Variants in VPS54 observed in about 807,000 individuals in gnomAD.
VPS54 encodes VPS54 subunit of GARP complex.
In VPS54, 45 loss-of-function variants were observed where a neutral mutation model predicts 121.5. That is an observed-to-expected ratio of 0.37 (90% confidence interval 0.29 to 0.47). VPS54 has a LOEUF of 0.47. Ranked by LOEUF, VPS54 falls within the 20% of genes least tolerant of loss-of-function variation. The pLI is 0.99. For missense variants in VPS54, 1,090 were observed against 1,131.4 expected (o/e 0.96, Z 0.52); for synonymous variants, 371 against 385.8 (o/e 0.96, Z 0.45).
intron 1 of VPS54, among the ~76,000 whole-genome samples, chr2:64,018,148 C>G (rs1678796142): frequency 6.6e-6 from 1 of 152,100 alleles, no homozygotes; most frequent in South Asian, 2.1e-4. Flanking sequence ...CTTGATTTGA[C>G]AAATCAGAAA....
rs200975029 is a variant in VPS54 at position 63,975,021 on chromosome 2, C to T, written c.379-2777G>A. ...TTCTTAGTGGGAAGCATCTAGTTTC[C>T]CCATTAGCTACAGAGTTTTTGTAGA... On this transcript the variant is annotated intron_variant, in intron 3 of 22. Coordinates refer to ENST00000272322, the MANE Select transcript of VPS54 (RefSeq NM_016516.3). 8.8e-4 allele frequency: 1,366 copies of T among 1,549,286 alleles called. 2 individuals carry two copies. Among genetic ancestry groups the T allele is most frequent in the Middle Eastern group, 7.4e-3 (44 of 5,960 alleles).
intron 1 of VPS54, among the ~76,000 whole-genome samples, chr2:64,002,820 A>C (rs1677949002): frequency 6.6e-6 from 1 of 152,224 alleles, no homozygotes; most frequent in African/African-American, 2.4e-5. Context: ...GGATTACATA[A>C]AACTAGTGGA....
At chr2:63,906,458 G>A (rs1433761316) in intron 20 of VPS54, among the ~76,000 whole-genome samples, 1 of 152,160 alleles carries the variant, frequency 6.6e-6, no homozygotes, top group African/African-American at 2.4e-5. Flanking sequence ...CTTATAAAAT[G>A]TGTGCATTAT....
intron 11 of VPS54, among the ~76,000 whole-genome samples, chr2:63,939,030 TATTA>T (rs1417839288): frequency 2.1e-4 from 32 of 152,344 alleles, no homozygotes; most frequent in Admixed American, 4.6e-4. Flanking sequence ...CCCAATAGCT[TATTA>T]TTTATCCATT....
intron 1 of VPS54, among the ~76,000 whole-genome samples, chr2:63,999,757 C>T (rs761050548): frequency 4.6e-5 from 7 of 152,082 alleles, no homozygotes; most frequent in Non-Finnish European, 8.8e-5. Flanking sequence ...TTTCTAAATC[C>T]CGTAGGTGTG....
intron 1 of VPS54, among the ~76,000 whole-genome samples, chr2:63,998,640 A>C (rs184814036): frequency 3.0e-4 from 46 of 152,322 alleles, no homozygotes; most frequent in Admixed American, 2.0e-4. Context: ...TATGCAGATA[A>C]CAATTAACAC....
intron 17 of VPS54, 105 bp downstream of exon 17, chr2:63,914,077 T>G: frequency 9.1e-7 from 1 of 1,104,094 alleles, no homozygotes; most frequent in Non-Finnish European, 1.3e-6. Flanking sequence ...AACTAATGTC[T>G]TAAAGTTAAT....
At position 63,892,274 on chromosome 2, in the gene VPS54, C is replaced by G. The variant is rs910735234; in HGVS notation, c.*1156G>C. On this transcript the variant is annotated 3_prime_UTR_variant, in exon 23 of 23. Coordinates refer to ENST00000272322, the MANE Select transcript of VPS54 (RefSeq NM_016516.3). ...CAAAGAGCACAAAATAAGACTGTTT[C>G]ATTATACATAATCACCACAGGATAT... 6.6e-6 allele frequency: 1 copy of G among 152,112 alleles called. No homozygotes were observed. The highest frequency in any genetic ancestry group is 2.4e-5 in the African/African-American group (1 of 41,432). 9.4% of individuals were successfully genotyped at this position (152,112 alleles called of 1,614,324 possible).
intron 4 of VPS54, among the ~76,000 whole-genome samples, chr2:63,971,788 A>G (rs961841155): frequency 3.9e-5 from 6 of 152,106 alleles, no homozygotes; most frequent in African/African-American, 1.4e-4. Flanking sequence ...TTACTTATCT[A>G]TAGATTTACT....
At chr2:63,989,305 ATC>A (rs1677203374) in intron 1 of VPS54, among the ~76,000 whole-genome samples, 1 of 152,098 alleles carries the variant, frequency 6.6e-6, no homozygotes, top group African/African-American at 2.4e-5. Flanking sequence ...GAAGCACGTG[ATC>A]TCTGTGACCC....
At chr2:63,949,229 AG>A in intron 7 of VPS54, 66 bp from the exon 8 acceptor site, 2 of 1,517,772 alleles carry the variant, frequency 1.3e-6, no homozygotes, top group South Asian at 1.3e-5. Context: ...TCCACAATCA[AG>A]GGAACTAGTA....
chr2:63,962,172 G>A lies in VPS54; in HGVS notation c.896C>T (p.Thr299Ile). 1 of 1,613,944 alleles carries A rather than the reference G, an allele frequency of 6.2e-7. No individual in the cohort carries two copies. Among genetic ancestry groups the A allele is most frequent in the Non-Finnish European group, 8.5e-7 (1 of 1,179,838 alleles). ...TAATAACACCTGTACTGTAGGCTGA[G>A]TCTGGTGTACAGTGGCCATTAACTT... Reference protein sequence around the residue: ...KLKLMATVHQTQPTVQVLLST... With the variant: ...KLKLMATVHQIQPTVQVLLST... The change falls in exon 7 of 23, where the codon ACT becomes ATT. Residue 299 changes from threonine to isoleucine, a missense_variant. By Grantham distance (89) the Thr-to-Ile change is moderately conservative. Transcript: ENST00000272322.
intron 15 of VPS54, among the ~76,000 whole-genome samples, chr2:63,918,541 T>C (rs534367566): frequency 6.6e-6 from 1 of 151,986 alleles, no homozygotes; most frequent in Non-Finnish European, 1.5e-5. Context: ...GCCAATATCA[T>C]ACCATCAAGT....
rs1011150741 is a variant in VPS54, at chr2:63,962,369, A to G, written c.699T>C (p.His233=). The part of the protein sequence containing the change: ...QISLRSEAFF[H]AMTSQHELQD... ...GCAACTCGTGTTGAGAGGTCATTGCATGAAAAAATGCTTCTGAACGTAGAG... is the reference window on the plus strand; with the variant it reads ...GCAACTCGTGTTGAGAGGTCATTGCGTGAAAAAATGCTTCTGAACGTAGAG... Residue 233 remains histidine (H), a synonymous_variant, in exon 7 of 23, where the codon CAT becomes CAC. Coordinates refer to ENST00000272322, the MANE Select transcript of VPS54 (RefSeq NM_016516.3). The G allele has an allele frequency of 6.2e-7, 1 of 1,613,888 alleles. No individual in the cohort carries two copies. The highest frequency in any genetic ancestry group is 8.5e-7 in the Non-Finnish European group (1 of 1,179,904).
chr2:63,948,936 A>G (rs970836991), intron 8 of VPS54, 101 bp downstream of exon 8: 1 of 1,451,406 alleles, frequency 6.9e-7, no homozygotes, highest in Admixed American at 2.6e-5. Context: ...TAGCCCTTGA[A>G]ATTTAAGATA....
chr2:63,987,879 C>T (rs1015413200), intron 1 of VPS54, among the ~76,000 whole-genome samples: 7 of 152,062 alleles, frequency 4.6e-5, no homozygotes, highest in African/African-American at 1.7e-4. Flanking sequence ...GATTTTGTAT[C>T]CTGCAACTTT....
rs529386210 is a variant in VPS54 at position 63,903,806 on chromosome 2, T to A, written c.2626-4225A>T. ...TTAAAGATTAAACAAAATAAAACTA[T>A]AAAAAACATTTAATCTGAAAAAAGG... On this transcript the variant is annotated intron_variant, in intron 20 of 22. Transcript: ENST00000272322. 1.5e-4 allele frequency among the ~76,000 whole-genome samples: 23 copies of A among 151,836 alleles called. 1 individual carries two copies. The highest frequency in any genetic ancestry group is 5.6e-4 in the African/African-American group (23 of 41,374).
chr2:63,956,213 C>T (rs576100706), intron 7 of VPS54, among the ~76,000 whole-genome samples: 176 of 152,136 alleles, frequency 1.2e-3, no homozygotes, highest in African/African-American at 3.9e-3. Flanking sequence ...TTTCTTACTA[C>T]AATATTTTAA....
intron 20 of VPS54, among the ~76,000 whole-genome samples, chr2:63,910,189 G>A (rs1673088226): frequency 6.6e-6 from 1 of 152,132 alleles, no homozygotes; most frequent in Non-Finnish European, 1.5e-5. Context: ...AAACTCCTGA[G>A]CAACACATGA....
Sources: gnomAD v4.1 joint callset for allele counts (sites outside exome capture counted in the v4.1 genomes callset) on GRCh38, gnomAD v4.1.1 for gene constraint, MANE v1.5 for transcripts, NCBI Gene and HGNC (gene_info 2026-07-23, HGNC 2026-07-21) for gene names.